The following MAML3 variants were observed in gnomAD, a reference collection of about 807,000 sequenced individuals.
The protein encoded by MAML3 is mastermind-like protein 3.
MAML3 carries 27 observed loss-of-function variants against 101.9 expected under a neutral mutation model. The ratio of observed to expected loss-of-function variants is 0.27; its 90% confidence interval spans 0.20 to 0.37. The LOEUF is 0.37. Among genes scored for constraint, MAML3 ranks in the 10% least tolerant of loss-of-function variants. The probability of loss-of-function intolerance (pLI) is 1.00; values close to 1 mark genes in which losing one functional copy is unlikely to be tolerated. For synonymous variants in MAML3, 501 were observed against 555.9 expected, an observed-to-expected ratio of 0.90 and a Z score of 1.39; for missense variants, 1,316 against 1,444.9, an observed-to-expected ratio of 0.91 and a Z score of 1.45.
At chr4:140,093,054 T>C (rs1728089859) in intron 1 of MAML3, among the ~76,000 whole-genome samples, 1 of 152,170 alleles carries the variant, frequency 6.6e-6, no homozygotes, top group Non-Finnish European at 1.5e-5. Context: ...AGGAAAACTT[T>C]ATAGGTCTCG....
At chr4:140,008,726 AAG>A (rs1726498226) in intron 1 of MAML3, among the ~76,000 whole-genome samples, 3 of 152,310 alleles carry the variant, frequency 2.0e-5, no homozygotes, top group South Asian at 4.1e-4. Context: ...AATGGAAAAA[AAG>A]AGATGAATTT....
At chr4:139,723,525 T>C (rs1468319254) in intron 4 of MAML3, among the ~76,000 whole-genome samples, 1 of 152,182 alleles carries the variant, frequency 6.6e-6, no homozygotes, top group Non-Finnish European at 1.5e-5. Context: ...TTGGTCAGGC[T>C]GGTCTCGAAC....
Position 139,897,730 on chromosome 4 carries a change from G to A in MAML3, c.469-6763C>T, listed in dbSNP as rs78103214. Among the ~76,000 whole-genome samples the A allele has an allele frequency of 1.0e-3, 152 of 152,196 alleles. 2 individuals are homozygous for A. The East Asian group carries it at 0.018, about 18-fold the overall frequency. The stretch of plus-strand genomic sequence containing the variant: ...ATACATTGTGAATCTGATCATGCCC[G>A]TTCTTCACTTTAAGCTTTTCTAAAG... On this transcript the variant is annotated intron_variant, in intron 1 of 4. Coordinates refer to ENST00000509479, the MANE Select transcript of MAML3 (RefSeq NM_018717.5).
chr4:139,884,653 C>G (rs928857882), intron 2 of MAML3, among the ~76,000 whole-genome samples: 1 of 152,224 alleles, frequency 6.6e-6, no homozygotes. Flanking sequence ...TGGTTGCCTT[C>G]CCAGCAATCT....
rs139259154 is a variant in MAML3 at position 140,085,887 on chromosome 4, G to C, written c.468+66973C>G. 8.9e-4 allele frequency among the ~76,000 whole-genome samples: 136 copies of C among 152,120 alleles called. 1 individual carries two copies. The highest frequency in any genetic ancestry group is 3.3e-3 in the African/African-American group (136 of 41,482). On this transcript the variant is annotated intron_variant, in intron 1 of 4. Coordinates refer to ENST00000509479, the MANE Select transcript of MAML3 (RefSeq NM_018717.5). ...CGTTTTTTAATTATTTTATATCTGT[G>C]GCCATTTGTCCTACAGATTTCTTCT...
intron 1 of MAML3, among the ~76,000 whole-genome samples, chr4:139,956,717 G>A (rs943133772): frequency 6.6e-6 from 1 of 152,158 alleles, no homozygotes; most frequent in Non-Finnish European, 1.5e-5. Context: ...ATCTATTCTT[G>A]TGTTTCTTTC....
intron 2 of MAML3, among the ~76,000 whole-genome samples, chr4:139,874,092 A>G (rs1397418626): frequency 1.3e-5 from 2 of 152,222 alleles, no homozygotes; most frequent in African/African-American, 4.8e-5. Flanking sequence ...CAGGTAAATT[A>G]AATCCCACCT....
At chr4:139,863,150 C>CAAA (rs34108210) in intron 2 of MAML3, among the ~76,000 whole-genome samples, 4,125 of 113,866 alleles carry the variant, frequency 0.036, 115 homozygotes, top group Non-Finnish European at 0.054. Context: ...ACTCTGTCTC[C>CAAA]AAAAAAAAAA....
intron 2 of MAML3, among the ~76,000 whole-genome samples, chr4:139,749,152 T>A (rs1032257141): frequency 6.6e-6 from 1 of 152,252 alleles, no homozygotes; most frequent in African/African-American, 2.4e-5. Flanking sequence ...AAGAATGGTT[T>A]ATAAATGTAC....
At chr4:140,047,590 C>T (rs1283074837) in intron 1 of MAML3, among the ~76,000 whole-genome samples, 3 of 152,074 alleles carry the variant, frequency 2.0e-5, no homozygotes, top group Non-Finnish European at 4.4e-5. Flanking sequence ...ATGAATAATA[C>T]CTAATAATAT....
chr4:140,011,580 A>G (rs911548726), intron 1 of MAML3, among the ~76,000 whole-genome samples: 7 of 150,222 alleles, frequency 4.7e-5, no homozygotes, highest in African/African-American at 1.2e-4. Flanking sequence ...TCCTGACCTC[A>G]TGATCCACCC....
chr4:139,753,950 G>T (rs554382571), intron 2 of MAML3, among the ~76,000 whole-genome samples: 31 of 152,226 alleles, frequency 2.0e-4, no homozygotes, highest in Non-Finnish European at 3.8e-4. Context: ...GGAGACTGGG[G>T]TGGAGGGAGG....
intron 2 of MAML3, among the ~76,000 whole-genome samples, chr4:139,769,093 C>T (rs553334133): frequency 6.6e-6 from 1 of 152,144 alleles, no homozygotes; most frequent in Non-Finnish European, 1.5e-5. Flanking sequence ...CTGGTGTTTA[C>T]TAAAGGAACT....
chr4:139,928,265 G>A (rs1239230847), intron 1 of MAML3, among the ~76,000 whole-genome samples: 1 of 152,150 alleles, frequency 6.6e-6, no homozygotes, highest in Non-Finnish European at 1.5e-5. Context: ...CTCATTCATG[G>A]ATTGATTTGG....
intron 2 of MAML3, among the ~76,000 whole-genome samples, chr4:139,833,900 T>C (rs992051624): frequency 1.3e-5 from 2 of 151,686 alleles, no homozygotes; most frequent in African/African-American, 4.8e-5. Flanking sequence ...GCCTCTTTAA[T>C]AGATTGTGCT....
At chr4:140,026,060 T>TA (rs1726817740) in intron 1 of MAML3, among the ~76,000 whole-genome samples, 1 of 152,152 alleles carries the variant, frequency 6.6e-6, no homozygotes, top group Non-Finnish European at 1.5e-5. Flanking sequence ...GTGCTTAACA[T>TA]ACGTCAATCT....
At chr4:140,000,020 A>T (rs1177322451) in intron 1 of MAML3, among the ~76,000 whole-genome samples, 1 of 152,142 alleles carries the variant, frequency 6.6e-6, no homozygotes, top group Non-Finnish European at 1.5e-5. Context: ...ATGATTAATG[A>T]CCGTTTTTTA....
At chr4:139,820,831 C>T (rs1201614381) in intron 2 of MAML3, among the ~76,000 whole-genome samples, 1 of 152,060 alleles carries the variant, frequency 6.6e-6, no homozygotes, top group Non-Finnish European at 1.5e-5. Context: ...ATAGATAATG[C>T]TAGAGTAAAC....
At chr4:139,812,972 T>TA (rs36096630) in intron 2 of MAML3, among the ~76,000 whole-genome samples, 106,665 of 128,146 alleles carry the variant, frequency 0.83, 44,262 homozygotes, top group East Asian at 0.92. Context: ...CTCAGAAATG[T>TA]AAAAAAAAAA....
Sources: gnomAD v4.1 joint callset for allele counts (sites outside exome capture counted in the v4.1 genomes callset) on GRCh38, gnomAD v4.1.1 for gene constraint, MANE v1.5 for transcripts, NCBI Gene and HGNC (gene_info 2026-07-23, HGNC 2026-07-21) for gene names.